The following BCO1 variants were observed in gnomAD, a reference collection of about 807,000 sequenced individuals.
BCO1 encodes the protein beta-carotene oxygenase 1, also known as beta,beta-carotene 15,15'-dioxygenase.
BCO1 carries 54 observed loss-of-function variants against 56.3 expected under a neutral mutation model. The observed-to-expected ratio is 0.96, with a 90% CI of 0.77 to 1.20. The LOEUF is 1.20. BCO1 is among the 50% of genes most tolerant of loss of function. BCO1 has a pLI of 0.00. For missense variants in BCO1, 801 were observed against 690.9 expected, an observed-to-expected ratio of 1.16 and a Z score of -1.79; for synonymous variants, 318 against 266.1, an observed-to-expected ratio of 1.20 and a Z score of -1.90.
intron 10 of BCO1, among the ~76,000 whole-genome samples, chr16:81,287,658 A>C (rs1908261862): frequency 1.3e-5 from 2 of 152,046 alleles, no homozygotes; most frequent in African/African-American, 2.4e-5. Flanking sequence ...TAAATCACCA[A>C]CCTCACTGCA....
At chr16:81,267,347 T>C (rs1402346117) in intron 5 of BCO1, among the ~76,000 whole-genome samples, 1 of 152,162 alleles carries the variant, frequency 6.6e-6, no homozygotes, top group Admixed American at 6.6e-5. Context: ...GCGCAGTGGC[T>C]CACACCTGTA....
chr16:81,273,585 T>A (rs1907371179), intron 7 of BCO1, among the ~76,000 whole-genome samples: 1 of 152,042 alleles, frequency 6.6e-6, no homozygotes, highest in African/African-American at 2.4e-5. Flanking sequence ...TTTGTGTGTC[T>A]CTGCCATGGT....
chr16:81,255,510 A>G (rs8057984), intron 2 of BCO1, among the ~76,000 whole-genome samples: 5 of 147,420 alleles, frequency 3.4e-5, no homozygotes, highest in African/African-American at 1.3e-4. Flanking sequence ...TTTATTTTTT[A>G]TTTTTTTGAG....
chr16:81,245,160 G>A (rs1905327065), intron 1 of BCO1, among the ~76,000 whole-genome samples: 1 of 152,156 alleles, frequency 6.6e-6, no homozygotes, highest in African/African-American at 2.4e-5. Flanking sequence ...CCAAAGTGCT[G>A]GGATTACAGG....
intron 2 of BCO1, among the ~76,000 whole-genome samples, chr16:81,251,890 GTA>G (rs1555554308): frequency 6.7e-5 from 10 of 150,292 alleles, no homozygotes; most frequent in African/African-American, 2.5e-4. Context: ...GTGTGTGTGT[GTA>G]TATATATCTA....
At position 81,239,048 on chromosome 16, in the gene BCO1, G is replaced by A. The variant is rs148142922; in HGVS notation, c.64+76G>A. ...TTTTTTTTTTTTGAGGCGGAGTCTC[G>A]CTCTGTCGCCCGGGCTGGAGTCCAG... On this transcript the variant is annotated intron_variant, in intron 1 of 10. Coordinates refer to ENST00000258168, the MANE Select transcript of BCO1 (RefSeq NM_017429.3). The A allele has an allele frequency of 2.8e-4, 370 of 1,313,862 alleles. 1 individual carries two copies. The African/African-American group carries it at 4.6e-3, about 16-fold the overall frequency. 81.4% of individuals were successfully genotyped at this position (1,313,862 alleles called of 1,614,324 possible). A position where few individuals can be genotyped will look rare whatever the true frequency, so the allele number is the denominator to read the frequency against.
intron 7 of BCO1, among the ~76,000 whole-genome samples, chr16:81,277,227 TAGAC>T (rs1907612994): frequency 6.6e-6 from 1 of 152,160 alleles, no homozygotes; most frequent in Non-Finnish European, 1.5e-5. Flanking sequence ...TTGGTGTATT[TAGAC>T]AGAAGGTTGG....
At chr16:81,262,500 A>T (rs1345362101) in intron 4 of BCO1, 1 of 577,818 alleles carries the variant, frequency 1.7e-6, no homozygotes, top group Non-Finnish European at 3.1e-6. Flanking sequence ...CCTGGGGCTG[A>T]TGTAACCAAG....
intron 7 of BCO1, among the ~76,000 whole-genome samples, chr16:81,278,014 G>C (rs1000558398): frequency 6.6e-6 from 1 of 152,092 alleles, no homozygotes; most frequent in Non-Finnish European, 1.5e-5. Flanking sequence ...GAGCCATGGA[G>C]GTGGAGGCAT....
intron 9 of BCO1, among the ~76,000 whole-genome samples, chr16:81,285,925 A>T (rs575197068): frequency 1.4e-4 from 22 of 152,258 alleles, no homozygotes; most frequent in African/African-American, 5.3e-4. Flanking sequence ...GAGGGTAAGG[A>T]AGTCAGCAGG....
intron 7 of BCO1, among the ~76,000 whole-genome samples, chr16:81,270,935 G>A (rs1354774922): frequency 2.6e-5 from 4 of 151,858 alleles, no homozygotes; most frequent in South Asian, 2.1e-4. Flanking sequence ...TAGTAGAGAC[G>A]GGGTTTCACC....
chr16:81,245,691 G>A (rs1030583809), intron 2 of BCO1, 88 bp downstream of exon 2: 19 of 1,547,520 alleles, frequency 1.2e-5, no homozygotes, highest in Admixed American at 3.6e-5. Flanking sequence ...ATTCTTTTAG[G>A]GATTGGAGGT....
At chr16:81,278,802 C>T (rs1907703025) in intron 7 of BCO1, among the ~76,000 whole-genome samples, 1 of 152,224 alleles carries the variant, frequency 6.6e-6, no homozygotes, top group Admixed American at 6.5e-5. Context: ...GGGTCTGCTT[C>T]TCTCCATGTG....
At chr16:81,260,485 TATTTC>T (rs376838045) in intron 3 of BCO1, among the ~76,000 whole-genome samples, 42 of 152,236 alleles carry the variant, frequency 2.8e-4, no homozygotes, top group Middle Eastern at 3.4e-3. Flanking sequence ...GTATATATTT[TATTTC>T]ATTTCATTTC....
At chr16:81,284,294 A>G (rs957016001) in intron 8 of BCO1, among the ~76,000 whole-genome samples, 1 of 146,162 alleles carries the variant, frequency 6.8e-6, no homozygotes, top group Non-Finnish European at 1.5e-5. Context: ...ATATATATTT[A>G]TATATACACA....
chr16:81,244,257 C>T (rs1905268850), intron 1 of BCO1, among the ~76,000 whole-genome samples: 2 of 152,136 alleles, frequency 1.3e-5, no homozygotes, highest in Admixed American at 6.6e-5. Flanking sequence ...AGGGCTGTCC[C>T]CTAGAAAGAG....
At chr16:81,268,789 T>G (rs908152745) in intron 6 of BCO1, among the ~76,000 whole-genome samples, 2 of 151,678 alleles carry the variant, frequency 1.3e-5, no homozygotes, top group African/African-American at 4.8e-5. Flanking sequence ...TGTGGGGGGG[T>G]TGTTTTTGAG....
rs775477640 is a variant in BCO1, at chr16:81,240,480, T to TG, written c.64+1510dup. On this transcript the variant is annotated intron_variant, in intron 1 of 10. Coordinates refer to ENST00000258168, the MANE Select transcript of BCO1 (RefSeq NM_017429.3). ...CAGCACTTTCGGAGGCCAAAGAGGG[T>TG]GGATCACTTGAAGCCAGGAGTTTGA... 9.9e-5 allele frequency among the ~76,000 whole-genome samples: 15 copies of TG among 151,958 alleles called. 1 individual carries two copies. The highest frequency in any genetic ancestry group is 1.6e-4 in the Non-Finnish European group (11 of 68,004).
intron 3 of BCO1, among the ~76,000 whole-genome samples, chr16:81,261,404 A>C (rs1372727121): frequency 3.3e-5 from 5 of 152,226 alleles, no homozygotes; most frequent in African/African-American, 9.6e-5. Flanking sequence ...ATTAAAAACT[A>C]ATTTCCTGGA....
Sources: gnomAD v4.1 joint callset for allele counts (sites outside exome capture counted in the v4.1 genomes callset) on GRCh38, gnomAD v4.1.1 for gene constraint, MANE v1.5 for transcripts, NCBI Gene and HGNC (gene_info 2026-07-23, HGNC 2026-07-21) for gene names.